Variants in PCSK6 observed in about 807,000 individuals in gnomAD.
PCSK6 encodes proprotein convertase subtilisin/kexin type 6.
Under a neutral mutation model 123.3 loss-of-function variants are expected in PCSK6, and 85 were observed. The ratio of observed to expected loss-of-function variants is 0.69; its 90% CI spans 0.58 to 0.83. The LOEUF (loss-of-function observed/expected upper bound fraction) is 0.83, where lower values mean the gene tolerates loss of function less well. PCSK6 is among the 40% of genes least tolerant of loss of function. The probability of loss-of-function intolerance (pLI) is 0.00; values close to 1 mark genes in which losing one functional copy is unlikely to be tolerated. For synonymous variants in PCSK6, 508 were observed against 516.0 expected (o/e 0.98, Z 0.21); for missense variants, 1,191 against 1,282.3 (o/e 0.93, Z 1.09).
At chr15:101,435,107 C>A (rs1235511478) in intron 2 of PCSK6, among the ~76,000 whole-genome samples, 2 of 152,156 alleles carry the variant, frequency 1.3e-5, no homozygotes, top group Admixed American at 6.5e-5. Flanking sequence ...AGCTGGGATG[C>A]AAAGCTCTGC....
chr15:101,422,583 G>A (rs1042173173), intron 6 of PCSK6, among the ~76,000 whole-genome samples: 9 of 151,882 alleles, frequency 5.9e-5, no homozygotes, highest in Non-Finnish European at 1.0e-4. Flanking sequence ...GAATAATCAG[G>A]TCTCCACAAG....
intron 6 of PCSK6, among the ~76,000 whole-genome samples, chr15:101,401,602 C>CTGA (rs1359897827): frequency 9.7e-4 from 148 of 152,274 alleles, no homozygotes; most frequent in Non-Finnish European, 1.8e-3. Flanking sequence ...CAACTGTGAC[C>CTGA]AGGTAGTGAC....
At chr15:101,422,075 G>C (rs1274950007) in intron 6 of PCSK6, among the ~76,000 whole-genome samples, 2 of 152,202 alleles carry the variant, frequency 1.3e-5, no homozygotes, top group African/African-American at 2.4e-5. Context: ...TATGCTCCAA[G>C]TTGACATGAC....
intron 2 of PCSK6, among the ~76,000 whole-genome samples, chr15:101,436,570 G>A (rs978857149): frequency 2.6e-5 from 4 of 152,192 alleles, no homozygotes; most frequent in East Asian, 1.9e-4. Context: ...GCCATACCTC[G>A]GCACCCAGGA....
rs745785291 is a variant in PCSK6, at chr15:101,324,942, G to A, written c.2285C>T (p.Thr762Met). ...GCETCSSRAA[T>M]QCLSCRRGFY... ...CCCGCGGCGGCAAGACAGGCACTGC[G>A]TCGCAGCTCTGCTGGAGCAGGTCTC... Residue 762 changes from threonine (T) to methionine (M), a missense_variant, in exon 17 of 22, where the codon ACG becomes ATG. Physicochemically the swap from Thr to Met is moderately conservative, Grantham distance 81. Around this residue, in one of 3 missense-constraint regions of PCSK6, gnomAD observed 630 missense variants for 631.4 expected, o/e 1.00. Transcript: ENST00000611716. 3.0e-5 allele frequency: 48 copies of A among 1,613,310 alleles called. No homozygotes were observed. Among genetic ancestry groups the A allele is most frequent in the Admixed American group, 3.3e-5 (2 of 60,010 alleles).
chr15:101,368,097 T>G (rs187311115), intron 12 of PCSK6, among the ~76,000 whole-genome samples: 1 of 152,346 alleles, frequency 6.6e-6, no homozygotes, highest in African/African-American at 2.4e-5. Flanking sequence ...ACTACAGGTG[T>G]GAGCCACCCT....
chr15:101,337,931 T>A (rs902003331), intron 13 of PCSK6, among the ~76,000 whole-genome samples: 3 of 152,240 alleles, frequency 2.0e-5, no homozygotes, highest in Non-Finnish European at 4.4e-5. Flanking sequence ...TTTTTTGAAA[T>A]ACATAAATCT....
chr15:101,341,632 C>T (rs1275617421), intron 13 of PCSK6, among the ~76,000 whole-genome samples: 1 of 152,026 alleles, frequency 6.6e-6, no homozygotes, highest in Non-Finnish European at 1.5e-5. Context: ...AGTGAAAATA[C>T]CATTCAAAAA....
Position 101,305,552 on chromosome 15 carries a change from A to T in PCSK6, c.2813-197T>A. 4.0e-6 allele frequency: 2 copies of T among 498,852 alleles called. No homozygotes were observed. Among genetic ancestry groups the T allele is most frequent in the Non-Finnish European group, 7.3e-6 (2 of 273,934 alleles). The allele number at this position is 498,852 out of a possible 1,614,324, so 30.9% of individuals were successfully genotyped here. On this transcript the variant is annotated intron_variant, in intron 21 of 21. Coordinates refer to ENST00000611716, the MANE Select transcript of PCSK6 (RefSeq NM_002570.5). This position sits in a 1 kb window ranked among gnomAD's most constrained non-coding sequence, Gnocchi z 4.8. ...GTGAAACCCCGTCTCTACTAATAAT[A>T]TAAAAATTAGCTGGGCATGGTGGTG... is the stretch of plus-strand genomic sequence containing the variant.
chr15:101,328,934 G>C (rs569242902), intron 15 of PCSK6, among the ~76,000 whole-genome samples: 2 of 152,242 alleles, frequency 1.3e-5, no homozygotes, highest in Non-Finnish European at 2.9e-5. Context: ...CCGCCTGAGC[G>C]TGTTCTGGTC....
At chr15:101,444,917 G>A (rs1477022278) in intron 1 of PCSK6, among the ~76,000 whole-genome samples, 1 of 152,156 alleles carries the variant, frequency 6.6e-6, no homozygotes, top group African/African-American at 2.4e-5. Flanking sequence ...GAGTGCAAGA[G>A]AGAGCCTCCC....
chr15:101,372,689 C>T (rs922823348), intron 11 of PCSK6, among the ~76,000 whole-genome samples: 2 of 152,118 alleles, frequency 1.3e-5, no homozygotes, highest in Non-Finnish European at 2.9e-5. Flanking sequence ...GGTGTGGAGA[C>T]GGAGAAACGT....
chr15:101,389,302 G>A (rs1018613684), intron 9 of PCSK6, among the ~76,000 whole-genome samples, 162 bp downstream of exon 9: 2 of 152,250 alleles, frequency 1.3e-5, no homozygotes, highest in South Asian at 2.1e-4. Context: ...GGAAGAAGAC[G>A]AAGCTCTGGG....
chr15:101,467,504 C>A (rs1039417331), intron 1 of PCSK6, among the ~76,000 whole-genome samples: 1 of 152,074 alleles, frequency 6.6e-6, no homozygotes. Flanking sequence ...ATCTCCTGAC[C>A]TCAGGTGATC....
intron 11 of PCSK6, among the ~76,000 whole-genome samples, chr15:101,378,500 C>T (rs910315806): frequency 8.5e-5 from 13 of 152,252 alleles, no homozygotes; most frequent in African/African-American, 3.1e-4. Flanking sequence ...CTATGATGGG[C>T]CCTACCCCGT....
intron 19 of PCSK6, among the ~76,000 whole-genome samples, chr15:101,316,951 C>T (rs1375285956): frequency 7.3e-6 from 1 of 136,248 alleles, no homozygotes; most frequent in Non-Finnish European, 1.5e-5. Context: ...ACTCTGTCGC[C>T]CAGGCTGAAG....
intron 13 of PCSK6, chr15:101,346,854 A>T: frequency 8.1e-7 from 1 of 1,231,728 alleles, no homozygotes; most frequent in Non-Finnish European, 1.0e-6. Context: ...TGTGATTCAT[A>T]AATGTGCACA....
At chr15:101,315,658 C>A (rs894707236) in intron 19 of PCSK6, among the ~76,000 whole-genome samples, 4 of 152,268 alleles carry the variant, frequency 2.6e-5, no homozygotes, top group Non-Finnish European at 5.9e-5. Flanking sequence ...GTAGTGCCGT[C>A]TCAGGCACAG....
At position 101,439,773 on chromosome 15, in the gene PCSK6, A is replaced by G. The variant is rs140079060; in HGVS notation, c.402+3783T>C. ...CTCCGGGGGCAAAGTCCCATCCTAC[A>G]AAACAGAATGCCTCCTCTGGTCCTT... On this transcript the variant is annotated intron_variant, in intron 2 of 21. Transcript: ENST00000611716. 3.9e-5 allele frequency among the ~76,000 whole-genome samples: 6 copies of G among 152,352 alleles called. No homozygotes were observed. The East Asian group carries it at 1.2e-3, about 29-fold the overall frequency.
Sources: allele counts gnomAD v4.1 joint callset (sites outside exome capture counted in the v4.1 genomes callset), GRCh38; gene constraint gnomAD v4.1.1; regional missense constraint gnomAD v4.1.1; non-coding constraint Gnocchi (gnomAD v3.1); transcripts MANE v1.5; gene names NCBI Gene and HGNC (gene_info 2026-07-23, HGNC 2026-07-21).